Variants in SPIDR observed in about 807,000 individuals in gnomAD.
The protein encoded by SPIDR is scaffold protein involved in DNA repair.
SPIDR carries 93 observed loss-of-function variants against 104.6 expected under a neutral mutation model. The ratio of observed to expected loss-of-function variants is 0.89; its 90% CI spans 0.75 to 1.06. SPIDR has a LOEUF of 1.06. Ranked by LOEUF, SPIDR falls within the 50% of genes least tolerant of loss-of-function variation. The probability of loss-of-function intolerance (pLI) is 0.00; values close to 1 mark genes in which losing one functional copy is unlikely to be tolerated. For synonymous variants in SPIDR, 431 were observed against 416.9 expected (o/e 1.03, Z -0.41); for missense variants, 1,154 against 1,111.2 (o/e 1.04, Z -0.55).
Position 47,260,958 on chromosome 8 carries a change from G to GC in SPIDR, c.-1_1insC. ...GGTGCGCTCAGGCGGCGCTCCCGGAGATGCCCCGCGGCAGCCGCGCTCGGG... is the reference window on the plus strand; with the variant it reads ...GGTGCGCTCAGGCGGCGCTCCCGGAGCATGCCCCGCGGCAGCCGCGCTCGGG... On this transcript the variant is annotated 5_prime_UTR_variant, in exon 1 of 20. Transcript: ENST00000297423. 1 of 1,229,628 alleles carries GC rather than the reference G, an allele frequency of 8.1e-7. No homozygotes were observed. The highest frequency in any genetic ancestry group is 1.0e-6 in the Non-Finnish European group (1 of 986,320). The allele number at this position is 1,229,628 out of a possible 1,614,324, so 76.2% of individuals were successfully genotyped here.
In SPIDR at chr8:47,712,758, A is replaced by C; in HGVS notation, c.2074A>C (p.Lys692Gln). 1 of 1,614,172 alleles carries C rather than the reference A, an allele frequency of 6.2e-7. No homozygotes were observed. Among genetic ancestry groups the C allele is most frequent in the Non-Finnish European group, 8.5e-7 (1 of 1,180,024 alleles). ...TKEERDPRLP[K>Q]TLLVYVAPLC... ...GGAGGAGAGAGACCCCAGGCTCCCC[A>C]AAACCCTGCTGGTCTATGTGGCCCC... Residue 692 changes from lysine to glutamine, a missense_variant, in exon 15 of 20, where the codon AAA (lysine) becomes CAA (glutamine). Transcript: ENST00000297423.
At position 47,440,305 on chromosome 8, in the gene SPIDR, C is replaced by A. The variant is rs1554695557; in HGVS notation, c.878-18C>A. The A allele has an allele frequency of 4.4e-6, 7 of 1,607,244 alleles. No homozygotes were observed. Among genetic ancestry groups the A allele is most frequent in the Non-Finnish European group, 6.0e-6 (7 of 1,174,438 alleles). The stretch of plus-strand genomic sequence containing the variant: ...CTTTTGATTTCATTTTTGCTTTGTT[C>A]TTTTCTTCAACTTCTAGGTAGAAAA... On this transcript the variant is annotated intron_variant, in intron 7 of 19. Coordinates refer to ENST00000297423, the MANE Select transcript of SPIDR (RefSeq NM_001080394.4).
chr8:47,609,254 AT>A (rs2063333547), intron 10 of SPIDR, among the ~76,000 whole-genome samples: 1 of 152,080 alleles, frequency 6.6e-6, no homozygotes, highest in Non-Finnish European at 1.5e-5. Flanking sequence ...ATGAGGTCCA[AT>A]TTGTCATTTT....
At chr8:47,729,068 C>T (rs374382201) in intron 18 of SPIDR, 21 bp downstream of exon 18, 93 of 1,612,444 alleles carry the variant, frequency 5.8e-5, no homozygotes, top group Middle Eastern at 1.6e-4. Context: ...GGCCAGAGCA[C>T]GCACGCACTC....
At chr8:47,699,626 C>T (rs1213555381) in intron 11 of SPIDR, among the ~76,000 whole-genome samples, 1 of 152,116 alleles carries the variant, frequency 6.6e-6, no homozygotes, top group Non-Finnish European at 1.5e-5. Flanking sequence ...GTGATCTCAG[C>T]TCACTGCAAC....
chr8:47,586,738 G>T (rs188871170), intron 8 of SPIDR, among the ~76,000 whole-genome samples: 1,604 of 152,178 alleles, frequency 0.011, 9 homozygotes, highest in Non-Finnish European at 0.016. Flanking sequence ...TTTCAGTTTT[G>T]ATAAGTTCTA....
chr8:47,419,286 C>G (rs1463030027), intron 7 of SPIDR: 1 of 152,190 alleles, frequency 6.6e-6, no homozygotes, highest in East Asian at 1.9e-4. Context: ...ATTATTGCCT[C>G]AATTTCAGAG....
Position 47,564,686 on chromosome 8 carries a change from G to GA in SPIDR, c.1098-31110dup, listed in dbSNP as rs79077645. 9.1e-3 allele frequency among the ~76,000 whole-genome samples: 756 copies of GA among 83,364 alleles called. 2 individuals are homozygous for GA. The highest frequency in any genetic ancestry group is 0.024 in the African/African-American group (562 of 23,322). 54.7% of individuals were successfully genotyped at this position (83,364 alleles called of 152,430 possible). On this transcript the variant is annotated intron_variant, in intron 8 of 19. Transcript: ENST00000297423. Reference sequence around the variant, plus strand: ...CAGAGCAAGATTCCGTCTCCAAAAAGAAAAAAAAAAAAAAAGAATTCAGTA... The same window carrying GA: ...CAGAGCAAGATTCCGTCTCCAAAAAGAAAAAAAAAAAAAAAAGAATTCAGTA...
intron 8 of SPIDR, among the ~76,000 whole-genome samples, chr8:47,480,145 C>G (rs2076733740): frequency 6.6e-6 from 1 of 152,142 alleles, no homozygotes. Context: ...GAGAGCCTGC[C>G]TAAGTTCGAG....
chr8:47,477,809 TC>T (rs781805169), intron 8 of SPIDR, among the ~76,000 whole-genome samples: 1 of 152,158 alleles, frequency 6.6e-6, no homozygotes, highest in Non-Finnish European at 1.5e-5. Flanking sequence ...GAAATGACCA[TC>T]CTGTAAGTAG....
In SPIDR at chr8:47,735,458, C is replaced by T. The variant is rs757103152; in HGVS notation, c.*8C>T. ...GCCTCTGCAGAACACTAGCGGTTGC[C>T]GCAGGATCTGTGAACTTTGCAATGT... On this transcript the variant is annotated 3_prime_UTR_variant, in exon 20 of 20. Coordinates refer to ENST00000297423, the MANE Select transcript of SPIDR (RefSeq NM_001080394.4). 7 of 1,613,994 alleles carry T rather than the reference C, an allele frequency of 4.3e-6. No homozygotes were observed. The highest frequency in any genetic ancestry group is 2.7e-5 in the African/African-American group (2 of 75,014).
chr8:47,602,468 A>G (rs1377141338), intron 10 of SPIDR, among the ~76,000 whole-genome samples: 2 of 152,246 alleles, frequency 1.3e-5, no homozygotes, highest in Non-Finnish European at 2.9e-5. Flanking sequence ...TGTGAAGTCC[A>G]GAAATTACCA....
At chr8:47,450,563 C>T (rs1026330312) in intron 8 of SPIDR, among the ~76,000 whole-genome samples, 2 of 152,172 alleles carry the variant, frequency 1.3e-5, no homozygotes, top group African/African-American at 4.8e-5. Flanking sequence ...CAAATGTGTA[C>T]CAGTTGTTGT....
Position 47,735,820 on chromosome 8 carries a change from T to C in SPIDR, c.*370T>C, listed in dbSNP as rs568278589. On this transcript the variant is annotated 3_prime_UTR_variant, in exon 20 of 20. Coordinates refer to ENST00000297423, the MANE Select transcript of SPIDR (RefSeq NM_001080394.4). ...ATGATTGAACATGTTTTTATTACAGTATTTAACATTCCCCCAAAGAATACC... is the reference window on the plus strand; with the variant it reads ...ATGATTGAACATGTTTTTATTACAGCATTTAACATTCCCCCAAAGAATACC... 1.0e-3 allele frequency: 417 copies of C among 409,014 alleles called. No individual in the cohort carries two copies. Among genetic ancestry groups the C allele is most frequent in the Non-Finnish European group, 1.6e-3 (350 of 224,946 alleles). 25.3% of individuals were successfully genotyped at this position (409,014 alleles called of 1,614,324 possible).
At chr8:47,268,509 C>T (rs1586073678) in intron 1 of SPIDR, among the ~76,000 whole-genome samples, 1 of 152,152 alleles carries the variant, frequency 6.6e-6, no homozygotes, top group Admixed American at 6.5e-5. Context: ...TTACAGTTTT[C>T]AGTGAAAAAG....
At chr8:47,407,338 A>G (rs2154322217) in intron 6 of SPIDR, among the ~76,000 whole-genome samples, 1 of 152,312 alleles carries the variant, frequency 6.6e-6, no homozygotes, top group South Asian at 2.1e-4. Context: ...AAGTGCTCTT[A>G]TTTGAGTGTT....
intron 8 of SPIDR, among the ~76,000 whole-genome samples, chr8:47,466,706 C>CAAAAAAAAAAAA (rs78296344): frequency 3.7e-5 from 5 of 134,996 alleles, no homozygotes; most frequent in African/African-American, 8.3e-5. Context: ...ACGAAAAATA[C>CAAAAAAAAAAAA]AAAAAAAAAA....
At chr8:47,722,778 C>T (rs1391620947) in intron 16 of SPIDR, among the ~76,000 whole-genome samples, 1 of 151,790 alleles carries the variant, frequency 6.6e-6, no homozygotes, top group Non-Finnish European at 1.5e-5. Context: ...TTGGTTTTTT[C>T]ATCCTTTTTT....
rs112630223 is a variant in SPIDR, at chr8:47,649,272, C to CA, written c.1545-24517dup. ...CTGTCAAGAAAAAGTGGGAAGAATG[C>CA]AAAAAAAAAAAAGCACACAGCATCA... On this transcript the variant is annotated intron_variant, in intron 10 of 19. Coordinates refer to ENST00000297423, the MANE Select transcript of SPIDR (RefSeq NM_001080394.4). 7.0e-3 allele frequency among the ~76,000 whole-genome samples: 887 copies of CA among 127,564 alleles called. 8 individuals carry two copies. The highest frequency in any genetic ancestry group is 0.021 in the African/African-American group (712 of 34,448). 83.7% of individuals were successfully genotyped at this position (127,564 alleles called of 152,430 possible).
Sources: gnomAD v4.1 joint callset for allele counts (sites outside exome capture counted in the v4.1 genomes callset) on GRCh38, gnomAD v4.1.1 for gene constraint, MANE v1.5 for transcripts, NCBI Gene and HGNC (gene_info 2026-07-23, HGNC 2026-07-21) for gene names.